FRMD3: variants seen among roughly 807,000 people sequenced by gnomAD.
FRMD3 encodes the protein FERM domain containing 3.
FRMD3 carries 33 observed loss-of-function variants against 70.2 expected under a neutral mutation model. The ratio of observed to expected loss-of-function variants is 0.47; its 90% CI spans 0.36 to 0.63. FRMD3 has a LOEUF of 0.63. Ranked by LOEUF, FRMD3 falls within the 20% of genes least tolerant of loss-of-function variation. The pLI, the probability that FRMD3 is intolerant of heterozygous loss-of-function variation, is 0.00. For synonymous variants in FRMD3, 279 were observed against 255.9 expected (o/e 1.09, Z -0.86); for missense variants, 632 against 711.4 (o/e 0.89, Z 1.27).
intron 1 of FRMD3, among the ~76,000 whole-genome samples, chr9:83,443,310 G>A (rs1827358414): frequency 6.6e-6 from 1 of 152,044 alleles, no homozygotes; most frequent in Non-Finnish European, 1.5e-5. Flanking sequence ...TCCACAACAG[G>A]CCCCAGTATG....
chr9:83,548,596 G>A, the FRMD3 span, among the ~76,000 whole-genome samples: 2 of 152,076 alleles, frequency 1.3e-5, no homozygotes, highest in African/African-American at 4.8e-5. Flanking sequence ...ATGAATAGGT[G>A]GAGTACATTT....
intron 13 of FRMD3, among the ~76,000 whole-genome samples, chr9:83,256,808 A>G (rs1237374795): frequency 1.3e-5 from 2 of 152,232 alleles, no homozygotes; most frequent in African/African-American, 4.8e-5. Flanking sequence ...TCAAAACCAC[A>G]ATGAGATATG....
Position 83,538,245 on chromosome 9 carries a change from G to A in FRMD3, c.-14C>T. 1 of 1,550,818 alleles carries A rather than the reference G, an allele frequency of 6.4e-7. No homozygotes were observed. Among genetic ancestry groups the A allele is most frequent in the Non-Finnish European group, 8.7e-7 (1 of 1,147,010 alleles). ...GGAGGCGAACATGCACCGCGGCCGT[G>A]GGGAGCGAGCGGGAGGCTCAGGGCC... is the stretch of plus-strand genomic sequence containing the variant. On this transcript the variant is annotated 5_prime_UTR_variant, in exon 1 of 14. Transcript: ENST00000304195. This position sits in a 1 kb window ranked among gnomAD's most constrained non-coding sequence, Gnocchi z 4.7.
chr9:83,299,516 T>C (rs1195708549), intron 10 of FRMD3, among the ~76,000 whole-genome samples: 1 of 152,242 alleles, frequency 6.6e-6, no homozygotes, highest in Non-Finnish European at 1.5e-5. Context: ...TCTCCCCTAA[T>C]TTCTATCTGA....
intron 1 of FRMD3, among the ~76,000 whole-genome samples, chr9:83,446,806 A>C (rs936349907): frequency 6.6e-6 from 1 of 152,170 alleles, no homozygotes; most frequent in African/African-American, 2.4e-5. Flanking sequence ...GCATATATGA[A>C]AGTGTTTCTG....
At chr9:83,295,945 T>C (rs1267743615) in intron 12 of FRMD3, among the ~76,000 whole-genome samples, 1 of 152,228 alleles carries the variant, frequency 6.6e-6, no homozygotes, top group East Asian at 1.9e-4. Flanking sequence ...CAAGAAAGTG[T>C]TCTCAGTCTG....
At chr9:83,353,963 G>T (rs536306612) in intron 3 of FRMD3, among the ~76,000 whole-genome samples, 9 of 151,590 alleles carry the variant, frequency 5.9e-5, no homozygotes, top group Non-Finnish European at 1.2e-4. Context: ...GGCTCTTGTT[G>T]CCCAGTCTGA....
At chr9:83,522,397 G>A (rs747826933) in intron 1 of FRMD3, among the ~76,000 whole-genome samples, 19 of 152,086 alleles carry the variant, frequency 1.2e-4, no homozygotes, top group Admixed American at 3.9e-4. Context: ...AGCGGCTGGG[G>A]GGGCAGGGAG....
chr9:83,449,005 T>C (rs545138139), intron 1 of FRMD3, among the ~76,000 whole-genome samples: 28 of 152,238 alleles, frequency 1.8e-4, no homozygotes, highest in African/African-American at 6.5e-4. Flanking sequence ...ATGCTGTGTT[T>C]GAGAGTGGAC....
intron 1 of FRMD3, among the ~76,000 whole-genome samples, chr9:83,430,709 C>T (rs1009965945): frequency 4.6e-5 from 7 of 152,264 alleles, no homozygotes; most frequent in African/African-American, 1.4e-4. Flanking sequence ...GGTAGCCCCA[C>T]GTCCATATCT....
At chr9:83,397,494 C>A (rs1825839984) in intron 1 of FRMD3, among the ~76,000 whole-genome samples, 1 of 152,074 alleles carries the variant, frequency 6.6e-6, no homozygotes, top group Admixed American at 6.6e-5. Context: ...AAACTTAATA[C>A]AGAACAGAGA....
chr9:83,324,261 C>T (rs1194470931), intron 6 of FRMD3, among the ~76,000 whole-genome samples: 1 of 152,050 alleles, frequency 6.6e-6, no homozygotes, highest in African/African-American at 2.4e-5. Context: ...ACATCATTGA[C>T]TAATACATAT....
At chr9:83,272,640 CCCA>C in intron 13 of FRMD3, among the ~76,000 whole-genome samples, 1 of 98,998 alleles carries the variant, frequency 1.0e-5, no homozygotes, top group Admixed American at 9.6e-5. Context: ...TGCCCGGCTG[CCCA>C]GTCTGGTAAG....
intron 6 of FRMD3, among the ~76,000 whole-genome samples, chr9:83,315,199 G>T (rs528283527): frequency 6.6e-6 from 1 of 151,940 alleles, no homozygotes; most frequent in Admixed American, 6.6e-5. Flanking sequence ...GTCCAATCTT[G>T]TTGGCTGCAT....
the FRMD3 span, among the ~76,000 whole-genome samples, chr9:83,570,209 T>A: frequency 6.6e-6 from 1 of 152,138 alleles, no homozygotes; most frequent in African/African-American, 2.4e-5. Flanking sequence ...CAGATAGAGG[T>A]ATCTGATTAC....
rs147892758 is a variant in FRMD3, at chr9:83,349,875, G to C, written c.296-118C>G. 115 of 653,298 alleles carry C rather than the reference G, an allele frequency of 1.8e-4. 2 individuals are homozygous for C. The East Asian group carries it at 3.0e-3, about 17-fold the overall frequency. 40.5% of individuals were successfully genotyped at this position (653,298 alleles called of 1,614,324 possible). ...TAGCCTGGGGAGTGGGGGCCAGGAG[G>C]GGGTGATTGTTTTGGAAGAAGCAGA... is the stretch of plus-strand genomic sequence containing the variant. On this transcript the variant is annotated intron_variant, in intron 3 of 13. Transcript: ENST00000304195.
At chr9:83,353,861 C>T (rs1465563206) in intron 3 of FRMD3, among the ~76,000 whole-genome samples, 1 of 152,156 alleles carries the variant, frequency 6.6e-6, no homozygotes, top group Non-Finnish European at 1.5e-5. Flanking sequence ...AGGTAACAGA[C>T]ACAGTTTTAG....
chr9:83,473,246 C>T (rs778232161), intron 1 of FRMD3, among the ~76,000 whole-genome samples: 2 of 152,162 alleles, frequency 1.3e-5, no homozygotes, highest in Non-Finnish European at 1.5e-5. Flanking sequence ...TCCCAACCCC[C>T]TGCCTCTGTG....
intron 1 of FRMD3, among the ~76,000 whole-genome samples, chr9:83,487,903 C>T (rs540142840): frequency 3.9e-5 from 6 of 152,238 alleles, no homozygotes; most frequent in African/African-American, 9.6e-5. Flanking sequence ...TTAATCAGAA[C>T]CTTATCATAA....
Sources: allele counts gnomAD v4.1 joint callset (sites outside exome capture counted in the v4.1 genomes callset), GRCh38; gene constraint gnomAD v4.1.1; non-coding constraint Gnocchi (gnomAD v3.1); transcripts MANE v1.5; gene names NCBI Gene and HGNC (gene_info 2026-07-23, HGNC 2026-07-21).